Variants in POLR1A observed in about 807,000 individuals in gnomAD.
POLR1A encodes the protein RNA polymerase I subunit A.
In POLR1A, 84 loss-of-function variants were observed where a neutral mutation model predicts 205.3. The observed-to-expected ratio is 0.41, with a 90% CI of 0.34 to 0.49. POLR1A has a LOEUF of 0.49. Ranked by LOEUF, POLR1A falls within the 20% of genes least tolerant of loss-of-function variation. The pLI is 0.22. For synonymous variants in POLR1A, 799 were observed against 863.7 expected, an observed-to-expected ratio of 0.93 and a Z score of 1.31; for missense variants, 1,645 against 2,204.5, an observed-to-expected ratio of 0.75 and a Z score of 5.08.
intron 24 of POLR1A, 29 bp downstream of exon 24, chr2:86,041,860 C>A: frequency 1.9e-6 from 3 of 1,581,258 alleles, no homozygotes; most frequent in Non-Finnish European, 2.6e-6. Context: ...TTCTCCTGCA[C>A]ATGTTGTGCA....
rs1021137677 is a variant in POLR1A at position 86,025,978 on chromosome 2, G to A, written c.*1445C>T. The A allele has an allele frequency of 1.3e-5, 2 of 152,140 alleles. No homozygotes were observed. Among genetic ancestry groups the A allele is most frequent in the African/African-American group, 4.8e-5 (2 of 41,390 alleles). The allele number at this position is 152,140 out of a possible 1,614,324, so 9.4% of individuals were successfully genotyped here. ...GCTGGGTCCTATTGCATGGATGTAG[G>A]GAGCAACATGGTCACTCTCCCTTGA... On this transcript the variant is annotated 3_prime_UTR_variant, in exon 34 of 34. Coordinates refer to ENST00000263857, the MANE Select transcript of POLR1A (RefSeq NM_015425.6).
chr2:86,039,708 C>A (rs1672564050), intron 25 of POLR1A, among the ~76,000 whole-genome samples: 1 of 152,232 alleles, frequency 6.6e-6, no homozygotes, highest in African/African-American at 2.4e-5. Context: ...ATTCTTGTTT[C>A]CTATCACCTG....
intron 27 of POLR1A, among the ~76,000 whole-genome samples, chr2:86,035,728 A>G (rs943459356): frequency 4.6e-5 from 7 of 152,142 alleles, no homozygotes; most frequent in Admixed American, 1.3e-4. Context: ...TCCCTGGCCA[A>G]TATCTACCTA....
At position 86,039,314 on chromosome 2, in the gene POLR1A, GGA is replaced by G; in HGVS notation, c.3876+11_3876+12del. On this transcript the variant is annotated intron_variant, in intron 26 of 33. Coordinates refer to ENST00000263857, the MANE Select transcript of POLR1A (RefSeq NM_015425.6). ...CTTCACCCCGTCTGCAACCTGGGAA[GGA>G]GAGACGTTACCTCCCCCAAGCACAC... 1 of 1,613,504 alleles carries G rather than the reference GGA, an allele frequency of 6.2e-7. No individual in the cohort carries two copies. The highest frequency in any genetic ancestry group is 8.5e-7 in the Non-Finnish European group (1 of 1,179,938).
intron 20 of POLR1A, 77 bp from the exon 21 acceptor site, chr2:86,045,437 C>T (rs1330474602): frequency 6.8e-6 from 9 of 1,314,706 alleles, no homozygotes; most frequent in African/African-American, 1.5e-5. Context: ...GCCAACACCT[C>T]CAGCAGCCTT....
At chr2:86,030,530 A>AG (rs1412078202) in intron 30 of POLR1A, 134 bp from the exon 31 acceptor site, 6 of 646,274 alleles carry the variant, frequency 9.3e-6, no homozygotes, top group Non-Finnish European at 1.7e-5. Flanking sequence ...GCAAGCCAGC[A>AG]GGTAGTCTGA....
Position 86,075,053 on chromosome 2 carries a change from G to A in POLR1A, c.1588C>T (p.Pro530Ser), listed in dbSNP as rs764832125. ...ACAATTTTTGTCCCCTGGGGCTTAG[G>A]TGCCCCCGTGGCTGGGGTCAGAAGC... ...KQLLTPATGA[P>S]KPQGTKIVCR... Residue 530 changes from proline (P) to serine (S), a missense_variant, in exon 12 of 34, where the codon CCT becomes TCT. Coordinates refer to ENST00000263857, the MANE Select transcript of POLR1A (RefSeq NM_015425.6). 6 of 1,610,448 alleles carry A rather than the reference G, an allele frequency of 3.7e-6. No individual in the cohort carries two copies. Among genetic ancestry groups the A allele is most frequent in the Middle Eastern group, 4.4e-4 (2 of 4,538 alleles).
chr2:86,090,728 A>G (rs1006310292), intron 3 of POLR1A, among the ~76,000 whole-genome samples: 6 of 152,208 alleles, frequency 3.9e-5, no homozygotes, highest in Non-Finnish European at 8.8e-5. Context: ...GCATTTTCCA[A>G]TGCAGCAATT....
At chr2:86,061,541 T>C (rs1183450488) in intron 14 of POLR1A, among the ~76,000 whole-genome samples, 1 of 152,242 alleles carries the variant, frequency 6.6e-6, no homozygotes, top group East Asian at 1.9e-4. Context: ...CTGAAATGTA[T>C]ATATGTGTTC....
chr2:86,047,807 G>T (rs549641377), intron 18 of POLR1A, among the ~76,000 whole-genome samples: 1 of 152,166 alleles, frequency 6.6e-6, no homozygotes, highest in Non-Finnish European at 1.5e-5. Flanking sequence ...GCTGAGAAGG[G>T]GGCTCTGAGT....
chr2:86,032,236 G>A (rs761005819), intron 29 of POLR1A, 36 bp downstream of exon 29: 31 of 1,372,048 alleles, frequency 2.3e-5, no homozygotes, highest in Non-Finnish European at 2.6e-5. Context: ...AGGGGGCTGG[G>A]ACCACAGCTC....
intron 11 of POLR1A, among the ~76,000 whole-genome samples, 191 bp from the exon 12 acceptor site, chr2:86,075,451 C>T (rs1673263672): frequency 6.6e-6 from 1 of 152,196 alleles, no homozygotes; most frequent in Non-Finnish European, 1.5e-5. Flanking sequence ...GGTATAGAGA[C>T]TAGGCCTCCT....
chr2:86,044,354 G>T, intron 21 of POLR1A, 50 bp from the exon 22 acceptor site: 1 of 1,604,118 alleles, frequency 6.2e-7, no homozygotes, highest in South Asian at 1.1e-5. Context: ...ACCTCCCCAG[G>T]GCAGCCTCTG....
At chr2:86,059,278 ATATT>A in intron 14 of POLR1A, among the ~76,000 whole-genome samples, 1 of 152,350 alleles carries the variant, frequency 6.6e-6, no homozygotes, top group South Asian at 2.1e-4. Flanking sequence ...ACTTCTTGCC[ATATT>A]TAGAGTGTGT....
chr2:86,080,930 C>A lies in POLR1A; in HGVS notation c.972G>T (p.Gln324His). Residue 324 changes from glutamine to histidine, a missense_variant, in exon 9 of 34, where the codon CAG (glutamine) becomes CAT (histidine). By Grantham distance (24) the Gln-to-His change is conservative (BLOSUM62 0). Transcript: ENST00000263857. ...RLGDQMFTNG[Q>H]TVNLQAVMKD... ...TCATGACAGCCTGCAAGTTCACCGT[C>A]TGGCCATTAGTAAACATCTGGTCTC... is the stretch of plus-strand genomic sequence containing the variant. 1.9e-6 allele frequency: 3 copies of A among 1,614,112 alleles called. No individual in the cohort carries two copies. The highest frequency in any genetic ancestry group is 2.5e-6 in the Non-Finnish European group (3 of 1,179,956).
At chr2:86,078,403 T>A in intron 9 of POLR1A, 119 bp from the exon 10 acceptor site, 1 of 706,830 alleles carries the variant, frequency 1.4e-6, no homozygotes, top group South Asian at 2.0e-5. Flanking sequence ...GTTTATCTCC[T>A]CTGAACCTGA....
chr2:86,094,008 C>A (rs1394736590), intron 3 of POLR1A, among the ~76,000 whole-genome samples: 1 of 152,194 alleles, frequency 6.6e-6, no homozygotes, highest in Non-Finnish European at 1.5e-5. Flanking sequence ...GATGTTTCCT[C>A]ATGATCAGAT....
chr2:86,054,261 A>C lies in POLR1A; in HGVS notation c.2087T>G (p.Ile696Ser). 1 of 1,614,038 alleles carries C rather than the reference A, an allele frequency of 6.2e-7. No homozygotes were observed. The highest frequency in any genetic ancestry group is 2.2e-5 in the East Asian group (1 of 44,880). The change falls in exon 15 of 34, where the codon ATC becomes AGC. Residue 696 changes from isoleucine (I) to serine (S), a missense_variant. By Grantham distance (142) the Ile-to-Ser change is moderately radical. This residue lies in a region of POLR1A where 339 missense variants were observed against 415.1 expected (regional missense o/e 0.82). Coordinates refer to ENST00000263857, the MANE Select transcript of POLR1A (RefSeq NM_015425.6). ...QVVSTLLINI[I>S]PEDHIPLNLS... ...GTTCAGTGGGATGTGGTCCTCTGGG[A>C]TTATATTTATGAGCAGCGTTGACAC...
At chr2:86,103,211 C>A (rs1262887786) in intron 1 of POLR1A, among the ~76,000 whole-genome samples, 1 of 152,154 alleles carries the variant, frequency 6.6e-6, no homozygotes, top group African/African-American at 2.4e-5. Flanking sequence ...TAAGGAGGAA[C>A]TTGGGCAAAG....
Sources: allele counts gnomAD v4.1 joint callset (sites outside exome capture counted in the v4.1 genomes callset), GRCh38; gene constraint gnomAD v4.1.1; regional missense constraint gnomAD v4.1.1; transcripts MANE v1.5; gene names NCBI Gene and HGNC (gene_info 2026-07-23, HGNC 2026-07-21).